COL25A1: variants seen among roughly 807,000 people sequenced by gnomAD.
COL25A1 encodes collagen type XXV alpha 1 chain.
In COL25A1, 103 loss-of-function variants were observed where a neutral mutation model predicts 128.4. That is an observed-to-expected ratio of 0.80 (90% CI 0.68 to 0.94). The LOEUF is 0.94. Among genes scored for constraint, COL25A1 ranks in the 40% least tolerant of loss-of-function variants. The pLI is 0.00. For synonymous variants in COL25A1, 279 were observed against 277.2 expected (o/e 1.01, Z -0.06); for missense variants, 745 against 840.0 (o/e 0.89, Z 1.40).
chr4:108,897,868 A>T (rs1329267545), intron 15 of COL25A1, among the ~76,000 whole-genome samples: 1 of 152,160 alleles, frequency 6.6e-6, no homozygotes, highest in East Asian at 1.9e-4. Flanking sequence ...CTGCCTGGGC[A>T]TTTGTTTATG....
intron 3 of COL25A1, among the ~76,000 whole-genome samples, chr4:109,222,082 T>TTTTTTACTACATTGCCATTA (rs1778467454): frequency 6.9e-6 from 1 of 145,912 alleles, no homozygotes; most frequent in Non-Finnish European, 1.5e-5. Flanking sequence ...TTTTTTTTTT[T>TTTTTTACTACATTGCCATTA]GAGATGGAGT....
chr4:109,061,817 A>C (rs575200298), intron 3 of COL25A1, among the ~76,000 whole-genome samples: 2 of 152,210 alleles, frequency 1.3e-5, no homozygotes, highest in African/African-American at 4.8e-5. Context: ...AAACATCATG[A>C]GTAGATTTCT....
intron 3 of COL25A1, among the ~76,000 whole-genome samples, chr4:109,123,999 T>C (rs950337426): frequency 3.9e-5 from 6 of 152,126 alleles, no homozygotes; most frequent in African/African-American, 1.4e-4. Flanking sequence ...TTTTCACTAA[T>C]GACTTTACAT....
intron 3 of COL25A1, among the ~76,000 whole-genome samples, chr4:109,150,453 G>A (rs990191552): frequency 1.3e-5 from 2 of 152,132 alleles, no homozygotes; most frequent in Non-Finnish European, 2.9e-5. Context: ...AAACCCCAGG[G>A]ATGTTGCATA....
intron 11 of COL25A1, among the ~76,000 whole-genome samples, chr4:108,935,192 A>C (rs2125919891): frequency 6.6e-6 from 1 of 152,290 alleles, no homozygotes; most frequent in East Asian, 1.9e-4. Context: ...TCACAAATAT[A>C]ATGTTGAATG....
intron 3 of COL25A1, among the ~76,000 whole-genome samples, chr4:109,118,392 G>T (rs1173276211): frequency 6.6e-6 from 1 of 151,748 alleles, no homozygotes; most frequent in East Asian, 1.9e-4. Context: ...CACGTGAGGT[G>T]ATGGGTATGT....
chr4:108,872,684 A>ATC (rs1433355783), intron 19 of COL25A1, among the ~76,000 whole-genome samples: 2 of 6,508 alleles, frequency 3.1e-4, no homozygotes, highest in Non-Finnish European at 1.0e-3. Flanking sequence ...TAGATTTGAT[A>ATC]TATATATACA....
At chr4:109,007,327 T>G (rs1159117446) in intron 6 of COL25A1, among the ~76,000 whole-genome samples, 1 of 152,298 alleles carries the variant, frequency 6.6e-6, no homozygotes, top group East Asian at 1.9e-4. Flanking sequence ...CTTCATTAAG[T>G]GCTATTTAAT....
intron 5 of COL25A1, among the ~76,000 whole-genome samples, chr4:109,026,248 A>AAGC (rs1758276587): frequency 6.6e-6 from 1 of 152,134 alleles, no homozygotes; most frequent in African/African-American, 2.4e-5. Context: ...AGGAGAGGAA[A>AAGC]AGTGTTCCAA....
rs556478444 is a variant in COL25A1, at chr4:109,071,056, G to C, written c.368-20877C>G. 7.9e-5 allele frequency among the ~76,000 whole-genome samples: 12 copies of C among 152,172 alleles called. No homozygotes were observed. In the South Asian group the frequency reaches 2.5e-3, roughly 32 times the overall value. ...ACCTGACTTCAAACTATACCACAAG[G>C]CTACAGTAACCAAAACAACATGGTA... On this transcript the variant is annotated intron_variant, in intron 3 of 37. Coordinates refer to ENST00000399132, the MANE Select transcript of COL25A1 (RefSeq NM_198721.4).
chr4:109,236,422 T>C (rs1029251976), intron 3 of COL25A1, among the ~76,000 whole-genome samples: 6 of 152,104 alleles, frequency 3.9e-5, no homozygotes, highest in Non-Finnish European at 5.9e-5. Context: ...TAGTCCTGAA[T>C]TGAATGAAAT....
rs189740207 is a variant in COL25A1 at position 109,283,398 on chromosome 4, C to T, written c.367+17185G>A. Among the ~76,000 whole-genome samples the T allele has an allele frequency of 1.4e-4, 21 of 152,246 alleles. No homozygotes were observed. The East Asian group carries it at 3.3e-3, about 24-fold the overall frequency. ...AGTAGCTGGGACTACCGGCATGTGC[C>T]ACCATACCAGGCTAATTTTTTTTCT... On this transcript the variant is annotated intron_variant, in intron 3 of 37. Coordinates refer to ENST00000399132, the MANE Select transcript of COL25A1 (RefSeq NM_198721.4).
intron 3 of COL25A1, among the ~76,000 whole-genome samples, chr4:109,199,424 C>T (rs1189263116): frequency 6.6e-6 from 1 of 152,092 alleles, no homozygotes; most frequent in Non-Finnish European, 1.5e-5. Flanking sequence ...GGATTATAGG[C>T]ATGAGCCACC....
chr4:109,129,980 A>C (rs1000364485), intron 3 of COL25A1, among the ~76,000 whole-genome samples: 1 of 150,120 alleles, frequency 6.7e-6, no homozygotes, highest in African/African-American at 2.5e-5. Flanking sequence ...GTGCACATGT[A>C]CCCTAAAACT....
chr4:109,297,517 A>G (rs1310406577), intron 3 of COL25A1, among the ~76,000 whole-genome samples: 1 of 152,150 alleles, frequency 6.6e-6, no homozygotes, highest in Non-Finnish European at 1.5e-5. Flanking sequence ...GACTTATATA[A>G]ATATCAAAAA....
chr4:108,883,490 A>G (rs759305707), intron 19 of COL25A1, among the ~76,000 whole-genome samples: 1 of 152,202 alleles, frequency 6.6e-6, no homozygotes, highest in Non-Finnish European at 1.5e-5. Context: ...TTAAAGGAGC[A>G]ACTACAGCTA....
chr4:108,863,375 C>T lies in COL25A1; in HGVS notation c.1096G>A (p.Glu366Lys), dbSNP rs1405272630. 2 of 1,613,582 alleles carry T rather than the reference C, an allele frequency of 1.2e-6. No individual in the cohort carries two copies. Among genetic ancestry groups the T allele is most frequent in the Non-Finnish European group, 1.7e-6 (2 of 1,179,786 alleles). Residue 366 changes from glutamate (E) to lysine (K), a missense_variant, in exon 21 of 38, where the codon GAA becomes AAA. Glu to Lys is a moderately conservative substitution (Grantham distance 56). This residue lies in a region of COL25A1 where 387 missense variants were observed against 441.9 expected (regional missense o/e 0.88). Coordinates refer to ENST00000399132, the MANE Select transcript of COL25A1 (RefSeq NM_198721.4). ...GLPGTKGERGEAGPPGRGERG... is the reference protein window; with the variant it reads ...GLPGTKGERGKAGPPGRGERG... Reference sequence around the variant, plus strand: ...TCACCTCTTCCAGGAGGCCCTGCTTCCCCCCGTTCACCCTGTCACAAATTG... The same window carrying T: ...TCACCTCTTCCAGGAGGCCCTGCTTTCCCCCGTTCACCCTGTCACAAATTG...
At chr4:108,913,868 A>G (rs1744553190) in intron 13 of COL25A1, among the ~76,000 whole-genome samples, 1 of 152,226 alleles carries the variant, frequency 6.6e-6, no homozygotes, top group South Asian at 2.1e-4. Flanking sequence ...GAACTAATTG[A>G]CCAATATTCA....
Position 109,062,593 on chromosome 4 carries a change from T to C in COL25A1, c.368-12414A>G, listed in dbSNP as rs1762078910. ...TGTACACAAAGCTTTGTGTAAAATA[T>C]ATTCAATAGAATACATTTTCATTAA... On this transcript the variant is annotated intron_variant, in intron 3 of 37. Transcript: ENST00000399132. Among the ~76,000 whole-genome samples, 3 of 152,072 alleles carry C rather than the reference T, an allele frequency of 2.0e-5. No homozygotes were observed. The South Asian group carries it at 6.2e-4, about 31-fold the overall frequency.
Sources: gnomAD v4.1 joint callset for allele counts (sites outside exome capture counted in the v4.1 genomes callset) on GRCh38, gnomAD v4.1.1 for gene constraint, gnomAD v4.1.1 regional missense constraint, MANE v1.5 for transcripts, NCBI Gene and HGNC (gene_info 2026-07-23, HGNC 2026-07-21) for gene names.